TASOR2: variants seen among roughly 807,000 people sequenced by gnomAD.
TASOR2 encodes the protein protein TASOR 2.
In TASOR2, 84 loss-of-function variants were observed where a neutral mutation model predicts 199.5. The observed-to-expected ratio is 0.42, with a 90% CI of 0.35 to 0.50. TASOR2 has a LOEUF of 0.50. Ranked by LOEUF, TASOR2 falls within the 20% of genes least tolerant of loss-of-function variation. The pLI, the probability that TASOR2 is intolerant of heterozygous loss-of-function variation, is 0.02. For synonymous variants in TASOR2, 1,103 were observed against 1,046.6 expected, an observed-to-expected ratio of 1.05 and a Z score of -1.04; for missense variants, 2,796 against 2,835.9, an observed-to-expected ratio of 0.99 and a Z score of 0.32.
At chr10:5,760,359 A>G (rs1839624173) in intron 18 of TASOR2, among the ~76,000 whole-genome samples, 1 of 152,156 alleles carries the variant, frequency 6.6e-6, no homozygotes, top group African/African-American at 2.4e-5. Flanking sequence ...TGCTCTTCAT[A>G]TTATACCACT....
At chr10:5,692,950 T>A (rs1248526543) in intron 1 of TASOR2, 1 of 152,190 alleles carries the variant, frequency 6.6e-6, no homozygotes, top group African/African-American at 2.4e-5. Flanking sequence ...GTCTCCCACA[T>A]GCTGTTGTGG....
intron 1 of TASOR2, among the ~76,000 whole-genome samples, chr10:5,697,374 G>A (rs556453520): frequency 1.2e-4 from 19 of 152,272 alleles, no homozygotes; most frequent in African/African-American, 1.7e-4. Context: ...ATAAAGTTGC[G>A]CAGAAGAAGC....
intron 11 of TASOR2, among the ~76,000 whole-genome samples, chr10:5,733,026 G>T (rs1162583497): frequency 1.3e-5 from 2 of 152,072 alleles, no homozygotes; most frequent in African/African-American, 4.8e-5. Context: ...ACCAATTTAA[G>T]GTATTGAATC....
Position 5,720,352 on chromosome 10 carries a change from G to C in TASOR2, c.-99-192G>C. ...GCCACGTGTCTGAAAATACTAACAA[G>C]GTTTCTAACAAGACGAGTCATTTTC... On this transcript the variant is annotated intron_variant, in intron 3 of 20. Coordinates refer to ENST00000328090, the Ensembl canonical transcript of TASOR2. The surrounding 1 kb of genome is among the most constrained non-coding windows in gnomAD (Gnocchi z 5.3). 1.0e-6 allele frequency: 1 copy of C among 985,302 alleles called. No homozygotes were observed. The allele number at this position is 985,302 out of a possible 1,614,324, so 61.0% of individuals were successfully genotyped here.
At position 5,712,221 on chromosome 10, in the gene TASOR2, T is replaced by C. The variant is rs553986905; in HGVS notation, c.-287-602T>C. The C allele has an allele frequency of 4.7e-4, 184 of 395,010 alleles. 1 individual carries two copies. Among genetic ancestry groups the C allele is most frequent in the African/African-American group, 3.5e-3 (168 of 48,394 alleles). 24.5% of individuals were successfully genotyped at this position (395,010 alleles called of 1,614,324 possible). A position where few individuals can be genotyped will look rare whatever the true frequency, so the allele number is the denominator to read the frequency against. On this transcript the variant is annotated intron_variant, in intron 1 of 20. Transcript: ENST00000328090. The stretch of plus-strand genomic sequence containing the variant: ...AATTCAGCTTCAGTTCTAATTTATT[T>C]AGGTTATTTTCTTTACATCAGAGGT...
At position 5,752,084 on chromosome 10, in the gene TASOR2, G is replaced by T. The variant is rs138081312; in HGVS notation, c.6606+2057G>T. ...TCCCGAAACTCCCTGACCTGAGCGC[G>T]GGCCAGCTGCCCTCCCCCTACCCTT... On this transcript the variant is annotated intron_variant, in intron 15 of 20. Transcript: ENST00000328090. This position sits in a 1 kb window ranked among gnomAD's most constrained non-coding sequence, Gnocchi z 4.4. Among the ~76,000 whole-genome samples the T allele has an allele frequency of 6.6e-6, 1 of 151,980 alleles. No homozygotes were observed. Among genetic ancestry groups the T allele is most frequent in the Non-Finnish European group, 1.5e-5 (1 of 68,000 alleles).
intron 15 of TASOR2, among the ~76,000 whole-genome samples, 168 bp from the exon 17 acceptor site, chr10:5,756,445 C>T (rs546667755): frequency 6.6e-6 from 1 of 152,218 alleles, no homozygotes; most frequent in East Asian, 1.9e-4. Flanking sequence ...GTTAACAATA[C>T]CTGATTCATT....
chr10:5,711,316 T>G (rs904502750), intron 1 of TASOR2, among the ~76,000 whole-genome samples: 8 of 152,166 alleles, frequency 5.3e-5, no homozygotes, highest in African/African-American at 1.9e-4. Context: ...CAAGTTAGTT[T>G]TAATTGAGAT....
At chr10:5,757,442 GAT>G in intron 16 of TASOR2, 76 bp from the exon 18 acceptor site, 1 of 1,387,242 alleles carries the variant, frequency 7.2e-7, no homozygotes, top group Non-Finnish European at 9.8e-7. Flanking sequence ...GACTCTCTTG[GAT>G]AGAAAAGCAA....
At position 5,748,378 on chromosome 10, in the gene TASOR2, T is replaced by C; in HGVS notation, c.4957T>C (p.Ser1653Pro). The C allele has an allele frequency of 1.2e-6, 2 of 1,614,250 alleles. No homozygotes were observed. The highest frequency in any genetic ancestry group is 1.7e-6 in the Non-Finnish European group (2 of 1,180,038). The change falls in exon 15 of 21, where the codon TCA (serine) becomes CCA (proline). Residue 1653 changes from serine (S) to proline (P), a missense_variant. Physicochemically the swap from Ser to Pro is moderately conservative, Grantham distance 74. Transcript: ENST00000328090. The surrounding 1 kb of genome is among the most constrained non-coding windows in gnomAD (Gnocchi z 5.1). ...TTATTCTACACAGGGATGCATGTGC[T>C]CAGTGGTCCCCACGCTTTGTTCTTC... is the stretch of plus-strand genomic sequence containing the variant.
intron 6 of TASOR2, 127 bp from the exon 8 acceptor site, chr10:5,723,550 A>C (rs1285601872): frequency 1.6e-5 from 8 of 509,154 alleles, no homozygotes; most frequent in African/African-American, 1.6e-4. Flanking sequence ...TTTAACCTGG[A>C]GCTTATCAAC....
Position 5,689,329 on chromosome 10 carries a change from C to T in TASOR2, c.-288+4154C>T, listed in dbSNP as rs867626092. On this transcript the variant is annotated intron_variant, in intron 1 of 20. Transcript: ENST00000328090. This position sits in a 1 kb window ranked among gnomAD's most constrained non-coding sequence, Gnocchi z 4.1. The stretch of plus-strand genomic sequence containing the variant: ...TTAACTTGTATGTATTGGCCGGGTG[C>T]GGTGGCTCACGCCTGTAATCCCAGC... Among the ~76,000 whole-genome samples, 6 of 152,084 alleles carry T rather than the reference C, an allele frequency of 3.9e-5. No individual in the cohort carries two copies. The highest frequency in any genetic ancestry group is 6.5e-5 in the Admixed American group (1 of 15,274).
intron 14 of TASOR2, chr10:5,743,740 G>A (rs562727014): frequency 1.3e-5 from 2 of 152,140 alleles, no homozygotes; most frequent in South Asian, 2.1e-4. Flanking sequence ...ACCATTTGTC[G>A]TGGTAATATG....
At chr10:5,703,503 ATT>A (rs371366460) in intron 1 of TASOR2, among the ~76,000 whole-genome samples, 2,797 of 110,162 alleles carry the variant, frequency 0.025, 19 homozygotes, top group South Asian at 0.042. Context: ...GGTTTTTCTG[ATT>A]TTTTTTTTTT....
At chr10:5,746,393 G>A (rs1426555132) in exon 15 of TASOR2, 5 of 1,614,082 alleles carry the variant, frequency 3.1e-6, no homozygotes, top group African/African-American at 1.3e-5. Flanking sequence ...CCAGTGATAT[G>A]TCAGAGCTCT....
rs770803505 is a variant in TASOR2 at position 5,685,617 on chromosome 10, G to A, written c.-288+442G>A. On this transcript the variant is annotated intron_variant, in intron 1 of 20. Transcript: ENST00000328090. The surrounding 1 kb of genome is among the most constrained non-coding windows in gnomAD (Gnocchi z 5.4). Reference sequence around the variant, plus strand: ...GCAATGCGCCACCTTTTCTTTTTAGGGTAAAACAGGTCTCTCCGAAGGGAG... The same window carrying A: ...GCAATGCGCCACCTTTTCTTTTTAGAGTAAAACAGGTCTCTCCGAAGGGAG... 2.6e-5 allele frequency among the ~76,000 whole-genome samples: 4 copies of A among 152,148 alleles called. No individual in the cohort carries two copies. The highest frequency in any genetic ancestry group is 4.4e-5 in the Non-Finnish European group (3 of 68,028).
At chr10:5,723,472 A>G (rs995620476) in intron 6 of TASOR2, among the ~76,000 whole-genome samples, 10 of 152,164 alleles carry the variant, frequency 6.6e-5, no homozygotes, top group African/African-American at 2.4e-4. Context: ...AGATGTGAAC[A>G]TATTTGCAGA....
chr10:5,756,612 G>T lies in TASOR2; in HGVS notation c.6607-1G>T. 1 of 1,612,112 alleles carries T rather than the reference G, an allele frequency of 6.2e-7. No individual in the cohort carries two copies. The highest frequency in any genetic ancestry group is 1.1e-5 in the South Asian group (1 of 90,782). On this transcript the variant is annotated splice_acceptor_variant, in intron 15 of 20. Coordinates refer to ENST00000328090, the Ensembl canonical transcript of TASOR2. LOFTEE classifies it high-confidence loss of function. Reference sequence around the variant, plus strand: ...ATAATGGCTATTTGTAAATCTTTCAGAACCTTCTGAGGAAAGGAGGCCATA... The same window carrying T: ...ATAATGGCTATTTGTAAATCTTTCATAACCTTCTGAGGAAAGGAGGCCATA...
intron 1 of TASOR2, among the ~76,000 whole-genome samples, chr10:5,704,592 G>A (rs769236940): frequency 2.8e-4 from 43 of 151,266 alleles, no homozygotes; most frequent in African/African-American, 9.7e-4. Flanking sequence ...TTTTTTCTTC[G>A]GTTTAATTAA....
Sources: allele counts gnomAD v4.1 joint callset (sites outside exome capture counted in the v4.1 genomes callset), GRCh38; gene constraint gnomAD v4.1.1; non-coding constraint Gnocchi (gnomAD v3.1); transcripts MANE v1.5; gene names NCBI Gene and HGNC (gene_info 2026-07-23, HGNC 2026-07-21).